NCAPD3: variants seen among roughly 807,000 people sequenced by gnomAD.
NCAPD3 encodes non-SMC condensin II complex subunit D3, also known as condensin-2 complex subunit D3.
In NCAPD3, 105 loss-of-function variants were observed where a neutral mutation model predicts 182.9. The observed-to-expected ratio is 0.57, with a 90% confidence interval of 0.49 to 0.68. The LOEUF (loss-of-function observed/expected upper bound fraction) is 0.68, where lower values mean the gene tolerates loss of function less well. Ranked by LOEUF, NCAPD3 falls within the 30% of genes least tolerant of loss-of-function variation. The probability of loss-of-function intolerance (pLI) is 0.00; values close to 1 mark genes in which losing one functional copy is unlikely to be tolerated. For missense variants in NCAPD3, 1,944 were observed against 1,837.0 expected, an observed-to-expected ratio of 1.06 and a Z score of -1.07; for synonymous variants, 815 against 679.9, an observed-to-expected ratio of 1.20 and a Z score of -3.09.
rs372763089 is a variant in NCAPD3, at chr11:134,158,489, G to C, written c.3874C>G (p.Leu1292Val). The C allele has an allele frequency of 1.9e-6, 3 of 1,613,294 alleles. No individual in the cohort carries two copies. The highest frequency in any genetic ancestry group is 2.7e-5 in the African/African-American group (2 of 74,928). Residue 1292 changes from leucine (L) to valine (V), a missense_variant, in exon 30 of 35, where the codon CTG becomes GTG. Leu to Val is a conservative substitution (Grantham distance 32). Transcript: ENST00000534548. Reference sequence around the variant, plus strand: ...GGAACTGGCACTGTTTCTAAACACAGGGCAACCTGGTAGAGAAGATAAAGA... The same window carrying C: ...GGAACTGGCACTGTTTCTAAACACACGGCAACCTGGTAGAGAAGATAAAGA... ...AEVAPVAQVALCLETVPVPAG... is the reference protein window; with the variant it reads ...AEVAPVAQVAVCLETVPVPAG...
chr11:134,166,896 G>A (rs539213946), intron 27 of NCAPD3, among the ~76,000 whole-genome samples: 2 of 130,214 alleles, frequency 1.5e-5, no homozygotes, highest in African/African-American at 3.0e-5. Context: ...CTTGTGAGAT[G>A]AGCTTGGGGG....
intron 18 of NCAPD3, 55 bp downstream of exon 18, chr11:134,184,848 C>CCT: frequency 7.5e-7 from 1 of 1,342,058 alleles, no homozygotes; most frequent in Non-Finnish European, 1.1e-6. Context: ...CACACACACA[C>CCT]ACCTGAAATG....
chr11:134,224,134 A>G (rs540061297), upstream of NCAPD3: 3 of 622,812 alleles, frequency 4.8e-6, no homozygotes, highest in Non-Finnish European at 8.5e-6. Context: ...AGTGGAAGCC[A>G]AACAAGGCTC....
rs1039352798 is a variant in NCAPD3, at chr11:134,177,269, C to T, written c.2971G>A (p.Asp991Asn). The change falls in exon 23 of 35, where the codon GAC becomes AAC. Residue 991 changes from aspartate to asparagine, a missense_variant. Asp to Asn is a conservative substitution (Grantham distance 23). Transcript: ENST00000534548. ...AGTGTCTGCTTCCGGATGAATGGGTCGGAATCCTTCAGACACATGGAGATG... is the reference window on the plus strand; with the variant it reads ...AGTGTCTGCTTCCGGATGAATGGGTTGGAATCCTTCAGACACATGGAGATG... ...PNISMCLKDS[D>N]PFIRKQTLIL... 4.3e-6 allele frequency: 7 copies of T among 1,614,186 alleles called. No homozygotes were observed. Among genetic ancestry groups the T allele is most frequent in the Middle Eastern group, 1.7e-4 (1 of 6,060 alleles).
intron 16 of NCAPD3, among the ~76,000 whole-genome samples, chr11:134,190,436 T>C (rs4424683): frequency 0.078 from 11,947 of 152,280 alleles, 599 homozygotes; most frequent in Admixed American, 0.11. Flanking sequence ...TCTTAGCAAC[T>C]TTTCCTTCTC....
chr11:134,216,472 T>A (rs1212435854), intron 3 of NCAPD3, among the ~76,000 whole-genome samples: 1 of 152,226 alleles, frequency 6.6e-6, no homozygotes, highest in Non-Finnish European at 1.5e-5. Flanking sequence ...GAAAACAGAC[T>A]CCTGGTCAGT....
chr11:134,193,996 T>C lies in NCAPD3; in HGVS notation c.1824+20A>G, dbSNP rs137870146. The C allele has an allele frequency of 7.6e-4, 1,220 of 1,601,146 alleles. 5 individuals are homozygous for C. The African/African-American group carries it at 0.015, about 19-fold the overall frequency. On this transcript the variant is annotated intron_variant, in intron 15 of 34. Transcript: ENST00000534548. ...AATGTAAAATACCATGCATTACATA[T>C]ATAATGTCCTGCCTCTCACCATAAG...
intron 19 of NCAPD3, 130 bp downstream of exon 19, chr11:134,184,507 G>A (rs1296301203): frequency 2.7e-5 from 17 of 624,412 alleles, no homozygotes; most frequent in Non-Finnish European, 5.5e-6. Context: ...CCTTGTTGCG[G>A]CAATAGCTGC....
chr11:134,176,204 T>TA (rs1209173966), intron 24 of NCAPD3, 103 bp downstream of exon 24: 2 of 1,033,142 alleles, frequency 1.9e-6, no homozygotes, highest in East Asian at 2.4e-5. Flanking sequence ...GAAAGCTCAC[T>TA]AAATCCTACT....
chr11:134,205,795 G>C (rs537422331), intron 8 of NCAPD3, among the ~76,000 whole-genome samples: 2 of 152,140 alleles, frequency 1.3e-5, no homozygotes, highest in Non-Finnish European at 2.9e-5. Flanking sequence ...AAAACGAAAC[G>C]ATCGTGTTTT....
chr11:134,209,118 G>C, intron 6 of NCAPD3, 27 bp downstream of exon 6: 2 of 1,603,586 alleles, frequency 1.2e-6, no homozygotes, highest in Non-Finnish European at 8.5e-7. Flanking sequence ...TACTTAAATT[G>C]TAGCACTGGA....
Position 134,184,735 on chromosome 11 carries a change from G to C in NCAPD3, c.2353C>G (p.Leu785Val), listed in dbSNP as rs1944363088. Residue 785 changes from leucine to valine, a missense_variant, in exon 19 of 35, where the codon CTG (leucine) becomes GTG (valine). Coordinates refer to ENST00000534548, the MANE Select transcript of NCAPD3 (RefSeq NM_015261.3). ...DKVTDAVKCK[L>V]NGFQWSLEVI... ...TCTAGAGACCACTGAAATCCATTCA[G>C]CTTACACTTGACAGCATCTATGAAG... The C allele has an allele frequency of 6.2e-7, 1 of 1,613,216 alleles. No individual in the cohort carries two copies. The highest frequency in any genetic ancestry group is 1.3e-5 in the African/African-American group (1 of 74,726).
At chr11:134,178,546 C>T in intron 22 of NCAPD3, 88 bp downstream of exon 22, 1 of 1,049,406 alleles carries the variant, frequency 9.5e-7, no homozygotes. Flanking sequence ...GCTCCGCAGC[C>T]CCTGACACAG....
rs1458858548 is a variant in NCAPD3 at position 134,150,940 on chromosome 11, A to T, written c.*2004T>A. 6 of 152,204 alleles carry T rather than the reference A, an allele frequency of 3.9e-5. No homozygotes were observed. The allele number at this position is 152,204 out of a possible 1,614,324, so 9.4% of individuals were successfully genotyped here. A position where few individuals can be genotyped will look rare whatever the true frequency, so the allele number is the denominator to read the frequency against. On this transcript the variant is annotated 3_prime_UTR_variant, in exon 35 of 35. Coordinates refer to ENST00000534548, the MANE Select transcript of NCAPD3 (RefSeq NM_015261.3). ...AAAGCAGTTTTCTAATTTTGACTTT[A>T]AATTTTTCATCCGCCGGAGACACTG...
At chr11:134,224,007 A>G (rs1050247169), upstream of NCAPD3, 5 of 1,516,020 alleles carry the variant, frequency 3.3e-6, no homozygotes, top group Admixed American at 3.8e-5. Flanking sequence ...GTTCCTGTGG[A>G]CCAATCACAA....
chr11:134,161,092 A>G (rs1250766996), intron 28 of NCAPD3, among the ~76,000 whole-genome samples: 2 of 152,128 alleles, frequency 1.3e-5, no homozygotes, highest in African/African-American at 2.4e-5. Context: ...TATTCAATGT[A>G]ATTTTTGTTG....
chr11:134,156,149 A>T (rs973162885), intron 32 of NCAPD3, among the ~76,000 whole-genome samples: 1 of 152,218 alleles, frequency 6.6e-6, no homozygotes, highest in Non-Finnish European at 1.5e-5. Context: ...TTGGGACCAG[A>T]AGGCCTGGGC....
In NCAPD3 at chr11:134,150,441, G is replaced by A. The variant is rs1943184818; in HGVS notation, c.*2503C>T. On this transcript the variant is annotated 3_prime_UTR_variant, in exon 35 of 35. Coordinates refer to ENST00000534548, the MANE Select transcript of NCAPD3 (RefSeq NM_015261.3). Reference sequence around the variant, plus strand: ...TCACTGTTGCCTCGCTGTCTGCCAGGAGGCCCTGCCATCCTTGGGCCCTGG... The same window carrying A: ...TCACTGTTGCCTCGCTGTCTGCCAGAAGGCCCTGCCATCCTTGGGCCCTGG... 6.6e-6 allele frequency: 1 copy of A among 152,244 alleles called. No homozygotes were observed. Among genetic ancestry groups the A allele is most frequent in the African/African-American group, 2.4e-5 (1 of 41,454 alleles). 9.4% of individuals were successfully genotyped at this position (152,244 alleles called of 1,614,324 possible).
intron 2 of NCAPD3, among the ~76,000 whole-genome samples, chr11:134,218,110 AGGG>A (rs5795873): frequency 1.5e-3 from 87 of 59,560 alleles, no homozygotes; most frequent in Non-Finnish European, 2.1e-3. Context: ...AAAAAAAAAA[AGGG>A]GGGGGGGGGA....
Sources: gnomAD v4.1 joint callset for allele counts (sites outside exome capture counted in the v4.1 genomes callset) on GRCh38, gnomAD v4.1.1 for gene constraint, MANE v1.5 for transcripts, NCBI Gene and HGNC (gene_info 2026-07-23, HGNC 2026-07-21) for gene names.